Variants in OR2A12 observed in about 807,000 individuals in gnomAD.
The protein encoded by OR2A12 is olfactory receptor 2A12.
For synonymous variants in OR2A12, 153 were observed against 149.3 expected, an observed-to-expected ratio of 1.02 and a Z score of -0.18; for missense variants, 380 against 372.5, an observed-to-expected ratio of 1.02 and a Z score of -0.17.
rs752419660 is a variant in OR2A12, at chr7:144,095,368, CA to C, written c.267del (p.Val90SerfsTer23). 6.2e-7 allele frequency: 1 copy of C among 1,613,552 alleles called. No homozygotes were observed. On this transcript the variant is annotated frameshift_variant, in exon 2 of 2. Coordinates refer to ENST00000641592, the MANE Select transcript of OR2A12 (RefSeq NM_001004135.2). LOFTEE classifies it low-confidence loss of function (END_TRUNC). ...AGATGCTAGCAAATCTTGTGATGCACAAAAAAGTCATCTCCTTTGCTCCTTG... is the reference window on the plus strand; with the variant it reads ...AGATGCTAGCAAATCTTGTGATGCACAAAAAGTCATCTCCTTTGCTCCTTG... The part of the protein sequence containing the change: ...PKMLANLVMH[K>X]KVISFAPCIL...
At position 144,095,379 on chromosome 7, in the gene OR2A12, T is replaced by A. The variant is rs143394460; in HGVS notation, c.272T>A (p.Ile91Asn). ...AATCTTGTGATGCACAAAAAAGTCA[T>A]CTCCTTTGCTCCTTGCATACTTCAG... ...LANLVMHKKV[I>N]SFAPCILQTF... Residue 91 changes from isoleucine to asparagine, a missense_variant, in exon 2 of 2, where the codon ATC (isoleucine) becomes AAC (asparagine). Coordinates refer to ENST00000641592, the MANE Select transcript of OR2A12 (RefSeq NM_001004135.2). 2.7e-4 allele frequency: 429 copies of A among 1,613,700 alleles called. 1 individual carries two copies. In the African/African-American group the frequency reaches 4.1e-3, roughly 16 times the overall value.
In OR2A12 at chr7:144,086,482, T is replaced by C. The variant is rs2051188367; in HGVS notation, c.-113T>C. 1 of 152,604 alleles carries C rather than the reference T, an allele frequency of 6.6e-6. No individual in the cohort carries two copies. Among genetic ancestry groups the C allele is most frequent in the Admixed American group, 6.5e-5 (1 of 15,288 alleles). The allele number at this position is 152,604 out of a possible 1,614,324, so 9.5% of individuals were successfully genotyped here. A position where few individuals can be genotyped will look rare whatever the true frequency, so the allele number is the denominator to read the frequency against. ...AGGAGAGGGGAAGGTGTTACACTGC[T>C]CAGTAGGGAAGACATAGGATGGTGG... is the stretch of plus-strand genomic sequence containing the variant. On this transcript the variant is annotated 5_prime_UTR_variant, in exon 1 of 2. Transcript: ENST00000641592.
intron 1 of OR2A12, among the ~76,000 whole-genome samples, chr7:144,094,280 G>T (rs1321766362): frequency 6.6e-6 from 1 of 151,920 alleles, no homozygotes; most frequent in Admixed American, 6.6e-5. Context: ...ACTTTCTCAG[G>T]TTCTGTTGAT....
rs371221441 is a variant in OR2A12 at position 144,095,102 on chromosome 7, G to A, written c.-6G>A. On this transcript the variant is annotated 5_prime_UTR_variant, in exon 2 of 2. Coordinates refer to ENST00000641592, the MANE Select transcript of OR2A12 (RefSeq NM_001004135.2). ...GTACATCACAAGATTTTTCTGTCAC[G>A]AGAACATGGAAAGCAATCAGACCTG... is the stretch of plus-strand genomic sequence containing the variant. 6.0e-5 allele frequency: 94 copies of A among 1,577,530 alleles called. No individual in the cohort carries two copies. Among genetic ancestry groups the A allele is most frequent in the Non-Finnish European group, 7.8e-5 (91 of 1,163,292 alleles).
In OR2A12 at chr7:144,095,604, C is replaced by T. The variant is rs2051257221; in HGVS notation, c.497C>T (p.Pro166Leu). Residue 166 changes from proline (P) to leucine (L), a missense_variant, in exon 2 of 2, where the codon CCT becomes CTT. Physicochemically the swap from Pro to Leu is moderately conservative, Grantham distance 98. Transcript: ENST00000641592. ...CATATTACTCTTATTCTGAGGCTGCCTTTTTGTGGCCCACAAAAGATCAAC... is the reference window on the plus strand; with the variant it reads ...CATATTACTCTTATTCTGAGGCTGCTTTTTTGTGGCCCACAAAAGATCAAC... ...LVHITLILRL[P>L]FCGPQKINHF... 1 of 1,613,950 alleles carries T rather than the reference C, an allele frequency of 6.2e-7. No homozygotes were observed. The highest frequency in any genetic ancestry group is 8.5e-7 in the Non-Finnish European group (1 of 1,180,012).
At chr7:144,092,984 C>T (rs1270403394) in intron 1 of OR2A12, among the ~76,000 whole-genome samples, 2 of 151,880 alleles carry the variant, frequency 1.3e-5, no homozygotes, top group East Asian at 1.9e-4. Context: ...CACAGTGAAA[C>T]GTAGAGTATG....
In OR2A12 at chr7:144,097,548, CTA is replaced by C. The variant is rs2051275673; in HGVS notation, c.*1510_*1511del. 6.6e-6 allele frequency: 1 copy of C among 152,064 alleles called. No homozygotes were observed. Among genetic ancestry groups the C allele is most frequent in the African/African-American group, 2.4e-5 (1 of 41,380 alleles). 9.4% of individuals were successfully genotyped at this position (152,064 alleles called of 1,614,324 possible). A position where few individuals can be genotyped will look rare whatever the true frequency, so the allele number is the denominator to read the frequency against. Reference sequence around the variant, plus strand: ...CAAGGGACCAAGGCTAGCTCAAACTCTATTAAAAGAGAAAGAGTACAACGTGG... The same window carrying C: ...CAAGGGACCAAGGCTAGCTCAAACTCTTAAAAGAGAAAGAGTACAACGTGG... On this transcript the variant is annotated 3_prime_UTR_variant, in exon 2 of 2. Coordinates refer to ENST00000641592, the MANE Select transcript of OR2A12 (RefSeq NM_001004135.2).
At chr7:144,092,686 T>C (rs576477667) in intron 1 of OR2A12, among the ~76,000 whole-genome samples, 1 of 152,296 alleles carries the variant, frequency 6.6e-6, no homozygotes, top group South Asian at 2.1e-4. Flanking sequence ...ATGTTGATTC[T>C]GTAGGTTTTA....
In OR2A12 at chr7:144,096,970, T is replaced by C. The variant is rs1164751184; in HGVS notation, c.*930T>C. 1 of 152,146 alleles carries C rather than the reference T, an allele frequency of 6.6e-6. No individual in the cohort carries two copies. The highest frequency in any genetic ancestry group is 1.5e-5 in the Non-Finnish European group (1 of 68,022). The allele number at this position is 152,146 out of a possible 1,614,324, so 9.4% of individuals were successfully genotyped here. A position where few individuals can be genotyped will look rare whatever the true frequency, so the allele number is the denominator to read the frequency against. ...TCACTTGTTTTTCTTGATTTCACTT[T>C]TTACTAGAGATCCTAACCAATACAG... On this transcript the variant is annotated 3_prime_UTR_variant, in exon 2 of 2. Coordinates refer to ENST00000641592, the MANE Select transcript of OR2A12 (RefSeq NM_001004135.2).
chr7:144,097,937 T>A lies in OR2A12; in HGVS notation c.*1897T>A, dbSNP rs898566659. On this transcript the variant is annotated 3_prime_UTR_variant, in exon 2 of 2. Coordinates refer to ENST00000641592, the MANE Select transcript of OR2A12 (RefSeq NM_001004135.2). ...ACACATAATTGCTATTGTGAAATAA[T>A]ATCTGATATTATAAAATCTTTAAGC... is the stretch of plus-strand genomic sequence containing the variant. 1 of 152,172 alleles carries A rather than the reference T, an allele frequency of 6.6e-6. No homozygotes were observed. The highest frequency in any genetic ancestry group is 6.5e-5 in the Admixed American group (1 of 15,284). 9.4% of individuals were successfully genotyped at this position (152,172 alleles called of 1,614,324 possible). A position where few individuals can be genotyped will look rare whatever the true frequency, so the allele number is the denominator to read the frequency against.
rs538036015 is a variant in OR2A12, at chr7:144,090,911, AT to A, written c.-51-4142del. ...GTATTCCATGGCGTATATGTACCAC[AT>A]TTTCTTTATCTAGTCTACCAGTTTT... On this transcript the variant is annotated intron_variant, in intron 1 of 1. Coordinates refer to ENST00000641592, the MANE Select transcript of OR2A12 (RefSeq NM_001004135.2). Among the ~76,000 whole-genome samples, 11 of 152,148 alleles carry A rather than the reference AT, an allele frequency of 7.2e-5. No homozygotes were observed. The East Asian group carries it at 2.1e-3, about 29-fold the overall frequency.
rs1327333329 is a variant in OR2A12 at position 144,095,068 on chromosome 7, C to T, written c.-40C>T. The T allele has an allele frequency of 7.4e-7, 1 of 1,360,344 alleles. No homozygotes were observed. Among genetic ancestry groups the T allele is most frequent in the Non-Finnish European group, 1.0e-6 (1 of 986,688 alleles). 84.3% of individuals were successfully genotyped at this position (1,360,344 alleles called of 1,614,324 possible). On this transcript the variant is annotated 5_prime_UTR_variant, in exon 2 of 2. Coordinates refer to ENST00000641592, the MANE Select transcript of OR2A12 (RefSeq NM_001004135.2). ...TTTTCTCCCATTAGCTGTGAAATTT[C>T]TGTCTTAAGTACATCACAAGATTTT...
At position 144,096,054 on chromosome 7, in the gene OR2A12, A is replaced by G. The variant is rs374792732; in HGVS notation, c.*14A>G. 6.4e-6 allele frequency: 10 copies of G among 1,555,878 alleles called. No individual in the cohort carries two copies. The African/African-American group carries it at 1.4e-4, about 21-fold the overall frequency. The stretch of plus-strand genomic sequence containing the variant: ...AGATCAATGTGAAGAATCATTTGAG[A>G]TATCCTGAGTGTGTAAGCATGGTTC... On this transcript the variant is annotated 3_prime_UTR_variant, in exon 2 of 2. Transcript: ENST00000641592.
chr7:144,087,786 G>A (rs2051197580), intron 1 of OR2A12, among the ~76,000 whole-genome samples: 2 of 152,082 alleles, frequency 1.3e-5, no homozygotes, highest in African/African-American at 4.8e-5. Flanking sequence ...AGAAACGTTC[G>A]CTACTCTCAA....
chr7:144,087,733 T>G (rs1365722934), intron 1 of OR2A12, among the ~76,000 whole-genome samples: 1 of 152,208 alleles, frequency 6.6e-6, no homozygotes, highest in Non-Finnish European at 1.5e-5. Flanking sequence ...TGTCTGTATT[T>G]GTAACACTGT....
chr7:144,087,271 A>T (rs2051193780), intron 1 of OR2A12, among the ~76,000 whole-genome samples: 1 of 152,152 alleles, frequency 6.6e-6, no homozygotes, highest in African/African-American at 2.4e-5. Flanking sequence ...GGGAGATGTC[A>T]GGTGCCAGGG....
At position 144,096,242 on chromosome 7, in the gene OR2A12, G is replaced by T; in HGVS notation, c.*202G>T. The stretch of plus-strand genomic sequence containing the variant: ...GGCTGACCTGGGCGGATTACCTGAG[G>T]TCAGGAGTTCGAGACCAGCCTAACC... On this transcript the variant is annotated 3_prime_UTR_variant, in exon 2 of 2. Transcript: ENST00000641592. 1 of 447,632 alleles carries T rather than the reference G, an allele frequency of 2.2e-6. No homozygotes were observed. Among genetic ancestry groups the T allele is most frequent in the Non-Finnish European group, 3.9e-6 (1 of 253,344 alleles). The allele number at this position is 447,632 out of a possible 1,614,324, so 27.7% of individuals were successfully genotyped here. A position where few individuals can be genotyped will look rare whatever the true frequency, so the allele number is the denominator to read the frequency against.
At position 144,096,737 on chromosome 7, in the gene OR2A12, G is replaced by T. The variant is rs187671136; in HGVS notation, c.*697G>T. 3 of 152,118 alleles carry T rather than the reference G, an allele frequency of 2.0e-5. No homozygotes were observed. The highest frequency in any genetic ancestry group is 2.9e-5 in the Non-Finnish European group (2 of 68,000). 9.4% of individuals were successfully genotyped at this position (152,118 alleles called of 1,614,324 possible). A position where few individuals can be genotyped will look rare whatever the true frequency, so the allele number is the denominator to read the frequency against. On this transcript the variant is annotated 3_prime_UTR_variant, in exon 2 of 2. Transcript: ENST00000641592. ...AACTTCCCCACATTAACAAATTAAA[G>T]AATACATTTCATATGAACATCTCAG...
Position 144,095,283 on chromosome 7 carries a change from A to T in OR2A12, c.176A>T (p.Tyr59Phe), listed in dbSNP as rs370060658. The T allele has an allele frequency of 3.7e-6, 6 of 1,613,994 alleles. No individual in the cohort carries two copies. In the African/African-American group the frequency reaches 8.0e-5, roughly 22 times the overall value. ...GACTCTAGACTGCACACACCCATGT[A>T]TGTCTTCCTGTCACACCTGGCCATT... ...YLDSRLHTPMYVFLSHLAIVD... is the reference protein window; with the variant it reads ...YLDSRLHTPMFVFLSHLAIVD... Residue 59 changes from tyrosine to phenylalanine, a missense_variant, in exon 2 of 2, where the codon TAT becomes TTT. Coordinates refer to ENST00000641592, the MANE Select transcript of OR2A12 (RefSeq NM_001004135.2).
Sources: allele counts gnomAD v4.1 joint callset (sites outside exome capture counted in the v4.1 genomes callset), GRCh38; gene constraint gnomAD v4.1.1; transcripts MANE v1.5; gene names NCBI Gene and HGNC (gene_info 2026-07-23, HGNC 2026-07-21).